NSUN2: variants seen among roughly 807,000 people sequenced by gnomAD.
NSUN2 encodes RNA cytosine C(5)-methyltransferase NSUN2.
In NSUN2, 63 loss-of-function variants were observed where a neutral mutation model predicts 92.7. The observed-to-expected ratio is 0.68, with a 90% CI of 0.56 to 0.84. NSUN2 has a LOEUF of 0.84. Ranked by LOEUF, NSUN2 falls within the 40% of genes least tolerant of loss-of-function variation. The pLI is 0.00. For synonymous variants in NSUN2, 356 were observed against 348.3 expected (o/e 1.02, Z -0.25); for missense variants, 989 against 964.9 (o/e 1.02, Z -0.33).
At chr5:6,630,678 C>T (rs1291186004) in intron 3 of NSUN2, among the ~76,000 whole-genome samples, 1 of 152,154 alleles carries the variant, frequency 6.6e-6, no homozygotes, top group African/African-American at 2.4e-5. Flanking sequence ...GAAAGAAAAA[C>T]AAGCAAATCT....
At chr5:6,604,539 C>T in intron 16 of NSUN2, 66 bp downstream of exon 16, 1 of 1,409,810 alleles carries the variant, frequency 7.1e-7, no homozygotes, top group Non-Finnish European at 1.0e-6. Flanking sequence ...GACCAGCAAG[C>T]CCATCTACTC....
At chr5:6,616,394 G>A (rs368314805) in intron 9 of NSUN2, among the ~76,000 whole-genome samples, 6 of 152,228 alleles carry the variant, frequency 3.9e-5, no homozygotes, top group African/African-American at 1.4e-4. Flanking sequence ...AGTTAAATAA[G>A]CCAGTCACGA....
chr5:6,608,113 G>A (rs1490953924), intron 12 of NSUN2, among the ~76,000 whole-genome samples: 1 of 152,204 alleles, frequency 6.6e-6, no homozygotes, highest in African/African-American at 2.4e-5. Flanking sequence ...CAAAGCTACT[G>A]AGCAGAGAAG....
At chr5:6,621,810 C>A in intron 6 of NSUN2, 1 of 475,226 alleles carries the variant, frequency 2.1e-6, no homozygotes, top group African/African-American at 2.0e-5. Context: ...TAAAATAAAG[C>A]TCCCCCATGG....
At chr5:6,605,502 C>T in intron 14 of NSUN2, 94 bp from the exon 15 acceptor site, 2 of 1,366,358 alleles carry the variant, frequency 1.5e-6, no homozygotes, top group African/African-American at 1.4e-5. Flanking sequence ...GAATTCAATC[C>T]CCAAAACTGC....
Position 6,616,939 on chromosome 5 carries a change from T to C in NSUN2, c.891-82A>G, listed in dbSNP as rs537753026. The C allele has an allele frequency of 2.5e-5, 31 of 1,256,840 alleles. No individual in the cohort carries two copies. In the South Asian group the frequency reaches 3.6e-4, roughly 15 times the overall value. 77.9% of individuals were successfully genotyped at this position (1,256,840 alleles called of 1,614,324 possible). ...TAGAAGCACCTCCTTATGTCACATA[T>C]TCATTACAAGCTTTTATAACACAAT... On this transcript the variant is annotated intron_variant, in intron 8 of 18. Transcript: ENST00000264670.
chr5:6,602,107 C>T (rs1041432343), intron 18 of NSUN2, among the ~76,000 whole-genome samples: 6 of 152,248 alleles, frequency 3.9e-5, no homozygotes, highest in Non-Finnish European at 5.9e-5. Flanking sequence ...ATGGCTGAAC[C>T]AGCCATGAGG....
At chr5:6,602,127 C>T (rs769489806) in intron 18 of NSUN2, among the ~76,000 whole-genome samples, 6 of 152,176 alleles carry the variant, frequency 3.9e-5, no homozygotes, top group African/African-American at 7.2e-5. Flanking sequence ...GACAAAAGAA[C>T]GGAACCTCAC....
intron 14 of NSUN2, among the ~76,000 whole-genome samples, chr5:6,606,029 A>C (rs1299980579): frequency 6.6e-6 from 1 of 152,196 alleles, no homozygotes; most frequent in Non-Finnish European, 1.5e-5. Flanking sequence ...CCAGTTATTA[A>C]AAAAGACAGT....
intron 12 of NSUN2, 145 bp from the exon 13 acceptor site, chr5:6,607,529 A>T: frequency 1.4e-6 from 1 of 713,408 alleles, no homozygotes; most frequent in African/African-American, 1.8e-5. Context: ...GAATTTTTTT[A>T]AAGTGTCATT....
At chr5:6,612,351 A>G (rs567289) in intron 9 of NSUN2, among the ~76,000 whole-genome samples, 109,073 of 152,118 alleles carry the variant, frequency 0.72, 39,849 homozygotes, top group African/African-American at 0.86. Context: ...AAAATGAACT[A>G]TGGGAATTTT....
At position 6,610,951 on chromosome 5, in the gene NSUN2, T is replaced by A. The variant is rs202085420; in HGVS notation, c.1226+4A>T. 2.1e-4 allele frequency: 339 copies of A among 1,613,962 alleles called. No individual in the cohort carries two copies. The highest frequency in any genetic ancestry group is 1.6e-3 in the Middle Eastern group (10 of 6,062). On this transcript the variant is annotated splice_donor_region_variant and intron_variant, in intron 11 of 18. Transcript: ENST00000264670. Reference sequence around the variant, plus strand: ...CCCCACACCTGGAGGCCCCACCAGCTCACCATCGCTCCAGGTGCATGGCCT... The same window carrying A: ...CCCCACACCTGGAGGCCCCACCAGCACACCATCGCTCCAGGTGCATGGCCT...
At chr5:6,608,630 T>C (rs1362378299) in intron 12 of NSUN2, among the ~76,000 whole-genome samples, 2 of 152,198 alleles carry the variant, frequency 1.3e-5, no homozygotes, top group Non-Finnish European at 2.9e-5. Context: ...ATTGAAAAAA[T>C]GTCAAAACCT....
At chr5:6,619,329 C>T (rs1387855119) in intron 7 of NSUN2, among the ~76,000 whole-genome samples, 1 of 152,174 alleles carries the variant, frequency 6.6e-6, no homozygotes, top group Admixed American at 6.5e-5. Context: ...AACAAAATGG[C>T]ATTCTTCCAT....
chr5:6,603,964 C>T (rs1369984969), intron 17 of NSUN2, 174 bp downstream of exon 17: 1 of 612,042 alleles, frequency 1.6e-6, no homozygotes, highest in Non-Finnish European at 2.8e-6. Flanking sequence ...GCCTTTGACC[C>T]TTAGCATTCT....
At chr5:6,605,140 C>T (rs746777086) in intron 15 of NSUN2, 133 bp downstream of exon 15, 2 of 1,217,134 alleles carry the variant, frequency 1.6e-6, no homozygotes, top group Non-Finnish European at 2.3e-6. Flanking sequence ...AAAGGGCAGG[C>T]TCAGGGACCC....
At chr5:6,625,135 A>G (rs763626149) in intron 4 of NSUN2, among the ~76,000 whole-genome samples, 40 of 152,154 alleles carry the variant, frequency 2.6e-4, no homozygotes, top group Non-Finnish European at 4.1e-4. Context: ...AGTAAAATCA[A>G]AAGCTTCATT....
chr5:6,627,095 C>T (rs1737684334), intron 3 of NSUN2, among the ~76,000 whole-genome samples: 1 of 152,188 alleles, frequency 6.6e-6, no homozygotes. Flanking sequence ...TCCAAAGGTC[C>T]CCAGCGCTTT....
intron 18 of NSUN2, among the ~76,000 whole-genome samples, chr5:6,601,164 A>C (rs1053216726): frequency 3.9e-4 from 2 of 5,094 alleles, no homozygotes; most frequent in Non-Finnish European, 7.5e-4. Context: ...CCATCTTCTT[A>C]AAAAAAAAAA....
Sources: gnomAD v4.1 joint callset for allele counts (sites outside exome capture counted in the v4.1 genomes callset) on GRCh38, gnomAD v4.1.1 for gene constraint, MANE v1.5 for transcripts, NCBI Gene and HGNC (gene_info 2026-07-23, HGNC 2026-07-21) for gene names.